Variants in ANK2 observed in about 807,000 individuals in gnomAD.
ANK2 encodes ankyrin-2.
ANK2 carries 83 observed loss-of-function variants against 360.5 expected under a neutral mutation model. The observed-to-expected ratio is 0.23, with a 90% confidence interval of 0.19 to 0.28. The LOEUF (loss-of-function observed/expected upper bound fraction) is 0.28. Among genes scored for constraint, ANK2 ranks in the 10% least tolerant of loss-of-function variants. The probability of loss-of-function intolerance (pLI) is 1.00; values close to 1 mark genes in which losing one functional copy is unlikely to be tolerated. For synonymous variants in ANK2, 1,740 were observed against 1,759.5 expected (o/e 0.99, Z 0.28); for missense variants, 4,201 against 4,795.7 (o/e 0.88, Z 3.66).
At chr4:112,926,849 T>C (rs1468209353) in intron 2 of ANK2, among the ~76,000 whole-genome samples, 2 of 152,358 alleles carry the variant, frequency 1.3e-5, no homozygotes, top group South Asian at 2.1e-4. Context: ...CATATTGTAT[T>C]AGTCCATTCT....
At chr4:112,779,230 C>G in the ANK2 span, among the ~76,000 whole-genome samples, 1 of 152,098 alleles carries the variant, frequency 6.6e-6, no homozygotes, top group Non-Finnish European at 1.5e-5. Flanking sequence ...TAAAAAAAAG[C>G]CACTTTGGCC....
At chr4:112,843,166 G>A (rs528296114) in intron 1 of ANK2, among the ~76,000 whole-genome samples, 31 of 152,274 alleles carry the variant, frequency 2.0e-4, no homozygotes, top group Admixed American at 7.2e-4. Context: ...CCCGTTTGCC[G>A]TATAAAATGA....
chr4:112,796,465 T>TATAC, the ANK2 span, among the ~76,000 whole-genome samples: 69 of 150,398 alleles, frequency 4.6e-4, no homozygotes, highest in African/African-American at 1.3e-3. Flanking sequence ...TCTATATATA[T>TATAC]ACACACACAC....
At chr4:112,874,464 A>G (rs1402956410) in intron 1 of ANK2, among the ~76,000 whole-genome samples, 3 of 146,984 alleles carry the variant, frequency 2.0e-5, no homozygotes, top group Non-Finnish European at 4.5e-5. Flanking sequence ...AACATGGTGA[A>G]ACCCCATCTC....
intron 1 of ANK2, among the ~76,000 whole-genome samples, chr4:112,849,603 G>A (rs182508970): frequency 3.7e-4 from 56 of 152,312 alleles, no homozygotes; most frequent in Non-Finnish European, 3.4e-4. Context: ...AGTAGCATAT[G>A]TCTAGTCATA....
chr4:113,139,754 G>A (rs905343598), intron 1 of ANK2, among the ~76,000 whole-genome samples: 12 of 152,140 alleles, frequency 7.9e-5, no homozygotes, highest in African/African-American at 2.2e-4. Flanking sequence ...AGTAGCCTTC[G>A]GAAAGCTATG....
At chr4:113,352,945 A>G in intron 37 of ANK2, 100 bp from the exon 38 acceptor site, 1 of 1,394,202 alleles carries the variant, frequency 7.2e-7, no homozygotes, top group African/African-American at 1.4e-5. Context: ...CACCACCACC[A>G]CCACAGGAAA....
intron 26 of ANK2, among the ~76,000 whole-genome samples, chr4:113,324,848 C>T (rs1376151630): frequency 6.6e-6 from 1 of 152,014 alleles, no homozygotes; most frequent in African/African-American, 2.4e-5. Flanking sequence ...AATTTCCTCC[C>T]CATTCCCATC....
intron 1 of ANK2, among the ~76,000 whole-genome samples, chr4:113,102,129 G>T (rs796379024): frequency 7.9e-5 from 12 of 152,258 alleles, no homozygotes; most frequent in African/African-American, 2.6e-4. Context: ...GAGGGATGGA[G>T]TAGAAGTAGG....
At chr4:113,175,378 C>G (rs182724494) in intron 2 of ANK2, among the ~76,000 whole-genome samples, 1 of 152,120 alleles carries the variant, frequency 6.6e-6, no homozygotes, top group Admixed American at 6.5e-5. Flanking sequence ...AAACTGAGCC[C>G]GGTATCTTAT....
chr4:113,072,915 AC>A (rs1394068017), intron 1 of ANK2, among the ~76,000 whole-genome samples: 1 of 142,620 alleles, frequency 7.0e-6, no homozygotes, highest in Admixed American at 7.0e-5. Flanking sequence ...CCATTAGTAG[AC>A]CTGCTTTTCT....
chr4:112,777,034 T>C, the ANK2 span, among the ~76,000 whole-genome samples: 4 of 152,304 alleles, frequency 2.6e-5, no homozygotes, highest in South Asian at 8.3e-4. Flanking sequence ...TTTTTCAAAC[T>C]CTGAGAAAAA....
At chr4:112,853,132 G>A (rs1350328841) in intron 1 of ANK2, among the ~76,000 whole-genome samples, 1 of 151,968 alleles carries the variant, frequency 6.6e-6, no homozygotes, top group Non-Finnish European at 1.5e-5. Flanking sequence ...GCTGTGGCGT[G>A]ATCTCGGCTC....
At chr4:113,316,189 C>G (rs1400155652) in intron 24 of ANK2, among the ~76,000 whole-genome samples, 1 of 152,176 alleles carries the variant, frequency 6.6e-6, no homozygotes, top group African/African-American at 2.4e-5. Context: ...TCTCCAAGAG[C>G]CTACATAACA....
chr4:113,015,902 G>A (rs898684799), intron 2 of ANK2, among the ~76,000 whole-genome samples: 10 of 152,228 alleles, frequency 6.6e-5, no homozygotes, highest in African/African-American at 2.2e-4. Flanking sequence ...ATTAATGAAG[G>A]AGATAATAAT....
rs2095739381 is a variant in ANK2 at position 113,355,965 on chromosome 4, C to G, written c.7347C>G (p.His2449Gln). Residue 2449 changes from histidine (H) to glutamine (Q), a missense_variant, in exon 38 of 46, where the codon CAC becomes CAG. His to Gln is a conservative substitution (Grantham distance 24). Coordinates refer to ENST00000357077, the MANE Select transcript of ANK2 (RefSeq NM_001148.6). ...ASPVLEDNSS[H>Q]KTPDSLEPSP... ...CTGTGCTAGAAGATAACTCTTCACACAAAACCCCTGATTCTCTGGAGCCAA... is the reference window on the plus strand; with the variant it reads ...CTGTGCTAGAAGATAACTCTTCACAGAAAACCCCTGATTCTCTGGAGCCAA... The G allele has an allele frequency of 1.9e-6, 3 of 1,614,100 alleles. No individual in the cohort carries two copies. Among genetic ancestry groups the G allele is most frequent in the Non-Finnish European group, 1.7e-6 (2 of 1,179,980 alleles).
intron 1 of ANK2, among the ~76,000 whole-genome samples, chr4:113,149,636 A>G (rs963736300): frequency 1.3e-5 from 2 of 151,978 alleles, no homozygotes; most frequent in African/African-American, 4.8e-5. Context: ...TCACTTTGGG[A>G]GGCCGAGGCA....
At chr4:113,113,181 A>G (rs2094463590) in intron 1 of ANK2, among the ~76,000 whole-genome samples, 1 of 93,008 alleles carries the variant, frequency 1.1e-5, no homozygotes, top group African/African-American at 4.7e-5. Flanking sequence ...AAGTGAGCAC[A>G]TTCTTTTTTT....
intron 1 of ANK2, chr4:112,827,108 A>C (rs927765798): frequency 1.8e-6 from 2 of 1,096,660 alleles, no homozygotes; most frequent in Middle Eastern, 2.0e-4. Flanking sequence ...AGCCTTCTAG[A>C]AAAACTGACT....
Sources: allele counts gnomAD v4.1 joint callset (sites outside exome capture counted in the v4.1 genomes callset), GRCh38; gene constraint gnomAD v4.1.1; transcripts MANE v1.5; gene names NCBI Gene and HGNC (gene_info 2026-07-23, HGNC 2026-07-21).